The following SLC22A16 variants were observed in gnomAD, a reference collection of about 807,000 sequenced individuals.
SLC22A16 encodes WUGSC:RG331P03.1.
Under a neutral mutation model 52.9 loss-of-function variants are expected in SLC22A16, and 53 were observed. The ratio of observed to expected loss-of-function variants is 1.00; its 90% CI spans 0.80 to 1.26. The LOEUF (loss-of-function observed/expected upper bound fraction) is 1.26. Among genes scored for constraint, SLC22A16 ranks in the 50% most tolerant of loss-of-function variants. The pLI, the probability that SLC22A16 is intolerant of heterozygous loss-of-function variation, is 0.00. For missense variants in SLC22A16, 726 were observed against 704.0 expected (o/e 1.03, Z -0.35); for synonymous variants, 291 against 268.8 (o/e 1.08, Z -0.81).
intron 2 of SLC22A16, chr6:110,456,298 C>T: frequency 4.1e-6 from 2 of 484,644 alleles, no homozygotes; most frequent in South Asian, 4.0e-5. Context: ...GTAAGTTAGG[C>T]AATTTGCCTG....
At chr6:110,472,889 C>T (rs17071722) in intron 1 of SLC22A16, among the ~76,000 whole-genome samples, 18,000 of 152,168 alleles carry the variant, frequency 0.12, 1,365 homozygotes, top group East Asian at 0.28. Flanking sequence ...ATCTGAGTGA[C>T]GGATGAAGAA....
chr6:110,454,622 A>ATATATATT (rs1318239273), intron 2 of SLC22A16, among the ~76,000 whole-genome samples: 2 of 45,106 alleles, frequency 4.4e-5, no homozygotes, highest in African/African-American at 3.2e-4. Flanking sequence ...TTTATATATA[A>ATATATATT]TATATATTTA....
intron 2 of SLC22A16, among the ~76,000 whole-genome samples, chr6:110,448,329 AT>A: frequency 6.6e-6 from 1 of 152,266 alleles, no homozygotes; most frequent in South Asian, 2.1e-4. Flanking sequence ...TTCTTTGCCC[AT>A]TTTTGAATTA....
chr6:110,432,877 G>A (rs1267073156), intron 6 of SLC22A16, among the ~76,000 whole-genome samples: 1 of 152,056 alleles, frequency 6.6e-6, no homozygotes, highest in Non-Finnish European at 1.5e-5. Context: ...AAGCTCTACT[G>A]CTAGCAACTT....
intron 6 of SLC22A16, among the ~76,000 whole-genome samples, chr6:110,434,815 T>C (rs887434756): frequency 1.3e-5 from 2 of 152,018 alleles, no homozygotes; most frequent in Non-Finnish European, 2.9e-5. Flanking sequence ...CCGTCTCTAC[T>C]AAAAATACAA....
intron 1 of SLC22A16, among the ~76,000 whole-genome samples, chr6:110,459,344 C>T (rs1038293311): frequency 1.7e-4 from 26 of 152,306 alleles, no homozygotes; most frequent in African/African-American, 4.6e-4. Flanking sequence ...TCCCCAGTGA[C>T]GTCATGTGGA....
chr6:110,451,991 A>C (rs569479334), intron 2 of SLC22A16, among the ~76,000 whole-genome samples: 1 of 152,346 alleles, frequency 6.6e-6, no homozygotes, highest in African/African-American at 2.4e-5. Flanking sequence ...ATAGCTAGAC[A>C]TCTGTCCCAG....
At chr6:110,453,834 T>C (rs537037306) in intron 2 of SLC22A16, 2 of 394,412 alleles carry the variant, frequency 5.1e-6, no homozygotes, top group East Asian at 1.4e-4. Context: ...AGATCAAGGG[T>C]ACTGGCTTCT....
At chr6:110,468,914 T>C (rs1032623338) in intron 1 of SLC22A16, among the ~76,000 whole-genome samples, 1 of 152,140 alleles carries the variant, frequency 6.6e-6, no homozygotes, top group East Asian at 1.9e-4. Context: ...GGTTGCTATA[T>C]TGCCTGTGGC....
At chr6:110,457,715 C>G (rs945304532) in intron 1 of SLC22A16, among the ~76,000 whole-genome samples, 1 of 152,116 alleles carries the variant, frequency 6.6e-6, no homozygotes, top group African/African-American at 2.4e-5. Context: ...GAGAAGTGAC[C>G]AGAAGACAAG....
chr6:110,476,429 C>A, intron 1 of SLC22A16, 93 bp downstream of exon 1: 1 of 1,400,014 alleles, frequency 7.1e-7, no homozygotes, highest in East Asian at 2.9e-5. Flanking sequence ...GTTTTCGGAT[C>A]GCGAGCGCCG....
chr6:110,476,398 G>A, intron 1 of SLC22A16, 124 bp downstream of exon 1: 8 of 1,385,422 alleles, frequency 5.8e-6, no homozygotes, highest in Middle Eastern at 2.2e-4. Flanking sequence ...CGACTGCGCG[G>A]GGTGAGGAGG....
At chr6:110,434,549 A>G (rs1185938345) in intron 6 of SLC22A16, among the ~76,000 whole-genome samples, 2 of 147,556 alleles carry the variant, frequency 1.4e-5, no homozygotes, top group African/African-American at 2.5e-5. Context: ...ATGTGTTTGG[A>G]AAAGCTTTGT....
At chr6:110,453,049 T>C (rs1775445652) in intron 2 of SLC22A16, among the ~76,000 whole-genome samples, 1 of 152,226 alleles carries the variant, frequency 6.6e-6, no homozygotes, top group South Asian at 2.1e-4. Context: ...TTTTTGTAGC[T>C]GTGTGTGACA....
intron 7 of SLC22A16, chr6:110,425,510 T>G (rs1285770586): frequency 2.7e-6 from 2 of 743,454 alleles, no homozygotes; most frequent in Non-Finnish European, 3.9e-6. Context: ...ACCCTGTCCC[T>G]GCCCCAATAA....
In SLC22A16 at chr6:110,456,842, G is replaced by A. The variant is rs2114991110; in HGVS notation, c.229C>T (p.Leu77=). Residue 77 remains leucine, a synonymous_variant, in exon 2 of 8, where the codon CTG becomes TTG. Transcript: ENST00000368919. ...TAATCTTTCTGGCCTGAAGACAACA[G>A]GGCCCCGGTGTCCTCCAAACTCCAA... The part of the protein sequence containing the change: ...SNWSLEDTGA[L]LSSGQKDYVT... 6.2e-7 allele frequency: 1 copy of A among 1,614,126 alleles called. No homozygotes were observed. Among genetic ancestry groups the A allele is most frequent in the Non-Finnish European group, 8.5e-7 (1 of 1,180,014 alleles).
At chr6:110,460,846 C>G (rs1174759556) in intron 1 of SLC22A16, among the ~76,000 whole-genome samples, 2 of 152,194 alleles carry the variant, frequency 1.3e-5, no homozygotes, top group African/African-American at 2.4e-5. Flanking sequence ...AGAAATCTAG[C>G]CCTCAGTGCA....
chr6:110,461,890 G>T (rs763834443), intron 1 of SLC22A16, among the ~76,000 whole-genome samples: 1 of 152,180 alleles, frequency 6.6e-6, no homozygotes, highest in Admixed American at 6.5e-5. Flanking sequence ...CTCTGTATTT[G>T]TCCAATTTCA....
rs1342872863 is a variant in SLC22A16 at position 110,456,544 on chromosome 6, G to A, written c.527C>T (p.Ser176Phe). 1 of 1,613,690 alleles carries A rather than the reference G, an allele frequency of 6.2e-7. No homozygotes were observed. ...LLGSVTFGYFSDRLGRRVVLW... is the reference protein window; with the variant it reads ...LLGSVTFGYFFDRLGRRVVLW... ...CCTAAATATTTGATTTTACCTGTCA[G>A]AAAAGTAGCCAAAAGTCACCGATCC... The change falls in exon 2 of 8, where the codon TCT (serine) becomes TTT (phenylalanine). Residue 176 changes from serine to phenylalanine, a missense_variant. By Grantham distance (155) the Ser-to-Phe change is radical. Coordinates refer to ENST00000368919, the MANE Select transcript of SLC22A16 (RefSeq NM_033125.4).
Sources: allele counts gnomAD v4.1 joint callset (sites outside exome capture counted in the v4.1 genomes callset), GRCh38; gene constraint gnomAD v4.1.1; transcripts MANE v1.5; gene names NCBI Gene and HGNC (gene_info 2026-07-23, HGNC 2026-07-21).